Variants in NTRK3 observed in about 807,000 individuals in gnomAD.
NTRK3 encodes the protein neurotrophic receptor tyrosine kinase 3.
NTRK3 carries 24 observed loss-of-function variants against 91.7 expected under a neutral mutation model. That is an observed-to-expected ratio of 0.26 (90% CI 0.19 to 0.37). The LOEUF (loss-of-function observed/expected upper bound fraction) is 0.37. NTRK3 is among the 10% of genes least tolerant of loss of function. The probability of loss-of-function intolerance (pLI) is 1.00; values close to 1 mark genes in which losing one functional copy is unlikely to be tolerated. For missense variants in NTRK3, 880 were observed against 1,068.9 expected (o/e 0.82, Z 2.46); for synonymous variants, 483 against 404.0 (o/e 1.20, Z -2.34).
intron 13 of NTRK3, among the ~76,000 whole-genome samples, chr15:88,109,642 C>CG (rs1262212480): frequency 9.2e-5 from 14 of 151,898 alleles, no homozygotes; most frequent in African/African-American, 2.9e-4. Context: ...GGGGGCTGGG[C>CG]GGGGGGCGTT....
intron 17 of NTRK3, among the ~76,000 whole-genome samples, chr15:87,881,213 A>G (rs1489334998): frequency 6.6e-6 from 1 of 152,250 alleles, no homozygotes; most frequent in Non-Finnish European, 1.5e-5. Flanking sequence ...AGATGTTAGC[A>G]TAAGTGGGAG....
chr15:88,108,535 A>G (rs2150950494), intron 13 of NTRK3, among the ~76,000 whole-genome samples: 1 of 152,322 alleles, frequency 6.6e-6, no homozygotes, highest in African/African-American at 2.4e-5. Context: ...AACTGACAGA[A>G]TCATAGAATG....
chr15:88,125,634 A>G (rs1004846866), intron 13 of NTRK3, among the ~76,000 whole-genome samples: 3 of 152,160 alleles, frequency 2.0e-5, no homozygotes, highest in Non-Finnish European at 4.4e-5. Flanking sequence ...TCACCATGTT[A>G]ACCCCTTTCA....
exon 3 of NTRK3, chr15:88,256,147 C>G: frequency 6.3e-7 from 1 of 1,587,508 alleles, no homozygotes; most frequent in Non-Finnish European, 8.6e-7. Flanking sequence ...CAAAGAGAGA[C>G]ATCCATCTCC....
rs1011228574 is a variant in NTRK3 at position 88,064,623 on chromosome 15, C to A, written c.1397-31578G>T. On this transcript the variant is annotated intron_variant, in intron 13 of 18. Coordinates refer to ENST00000394480, the Ensembl canonical transcript of NTRK3. Reference sequence around the variant, plus strand: ...GGTCTAGGTCTGTCTGGTTTCTATGCCCATAGCTACCACATTGTAACTTCC... The same window carrying A: ...GGTCTAGGTCTGTCTGGTTTCTATGACCATAGCTACCACATTGTAACTTCC... 3.3e-5 allele frequency among the ~76,000 whole-genome samples: 5 copies of A among 152,278 alleles called. No individual in the cohort carries two copies. The East Asian group carries it at 7.7e-4, about 23-fold the overall frequency.
chr15:88,203,525 A>G (rs2048474568), intron 3 of NTRK3, among the ~76,000 whole-genome samples: 1 of 152,228 alleles, frequency 6.6e-6, no homozygotes, highest in Non-Finnish European at 1.5e-5. Flanking sequence ...GAAAGGCACC[A>G]AGAGGTTGAG....
chr15:88,108,126 G>T (rs2050909233), intron 13 of NTRK3, among the ~76,000 whole-genome samples: 1 of 152,274 alleles, frequency 6.6e-6, no homozygotes, highest in South Asian at 2.1e-4. Context: ...TCCAGGTTCT[G>T]AAAGATATGC....
intron 5 of NTRK3, among the ~76,000 whole-genome samples, chr15:88,181,446 G>A (rs919587305): frequency 2.6e-5 from 4 of 152,130 alleles, no homozygotes; most frequent in African/African-American, 9.7e-5. Context: ...AGCCCAAGAT[G>A]TAACCCTGCT....
At chr15:87,986,973 C>A (rs758721603) in intron 14 of NTRK3, among the ~76,000 whole-genome samples, 3 of 152,230 alleles carry the variant, frequency 2.0e-5, no homozygotes, top group Non-Finnish European at 4.4e-5. Flanking sequence ...AGATTTGGCC[C>A]TTGGCCAATG....
In NTRK3 at chr15:88,135,141, G is replaced by C. The variant is rs1420930233; in HGVS notation, c.1164C>G (p.Asn388Lys). Residue 388 changes from asparagine (N) to lysine (K), a missense_variant, in exon 10 of 19, where the codon AAC becomes AAG. Transcript: ENST00000394480. ...TGAGGAAGTGGCCATTGATGGTCTG[G>C]TTGGCTGTGCCCAGTGGGTTTTTGG... is the stretch of plus-strand genomic sequence containing the variant. 1.9e-6 allele frequency: 3 copies of C among 1,614,142 alleles called. No homozygotes were observed. The highest frequency in any genetic ancestry group is 2.5e-6 in the Non-Finnish European group (3 of 1,180,056).
intron 14 of NTRK3, among the ~76,000 whole-genome samples, chr15:88,000,316 G>A (rs1296976720): frequency 6.6e-6 from 1 of 152,170 alleles, no homozygotes; most frequent in Non-Finnish European, 1.5e-5. Context: ...TCTCACAATC[G>A]AACAAGGAGC....
chr15:88,075,379 T>C (rs2047448462), intron 13 of NTRK3, among the ~76,000 whole-genome samples: 1 of 152,224 alleles, frequency 6.6e-6, no homozygotes, highest in Admixed American at 6.5e-5. Flanking sequence ...TAAAAAGTTA[T>C]TATTCAGTCA....
chr15:87,896,273 T>C (rs2064282165), intron 17 of NTRK3, among the ~76,000 whole-genome samples: 1 of 151,982 alleles, frequency 6.6e-6, no homozygotes. Context: ...GACATAGAGA[T>C]CATCCCGGCC....
chr15:88,112,764 G>A (rs2051556838), intron 13 of NTRK3, among the ~76,000 whole-genome samples: 1 of 152,182 alleles, frequency 6.6e-6, no homozygotes, highest in Non-Finnish European at 1.5e-5. Flanking sequence ...AGTGACCTGA[G>A]CTATTTCTAT....
intron 3 of NTRK3, among the ~76,000 whole-genome samples, chr15:88,201,976 A>T (rs912575587): frequency 1.3e-5 from 2 of 151,936 alleles, no homozygotes; most frequent in African/African-American, 4.8e-5. Flanking sequence ...TTTCTTTGTC[A>T]TAGATGGTGC....
chr15:88,098,927 T>C (rs146341436), intron 13 of NTRK3: 146 of 232,508 alleles, frequency 6.3e-4, no homozygotes, highest in African/African-American at 3.0e-3. Context: ...TTTAAAAAAG[T>C]CTTGATTACT....
intron 3 of NTRK3, among the ~76,000 whole-genome samples, chr15:88,247,331 C>T (rs901608662): frequency 1.3e-5 from 2 of 152,214 alleles, no homozygotes; most frequent in African/African-American, 2.4e-5. Context: ...CAGGGCCCTT[C>T]GTTCTGGGCT....
At chr15:88,033,420 C>T (rs1247061293) in intron 13 of NTRK3, among the ~76,000 whole-genome samples, 1 of 151,530 alleles carries the variant, frequency 6.6e-6, no homozygotes, top group Non-Finnish European at 1.5e-5. Context: ...AAGCGATTCT[C>T]ATGCCTCAGC....
intron 13 of NTRK3, among the ~76,000 whole-genome samples, chr15:88,087,220 C>G (rs1005423426): frequency 1.3e-5 from 2 of 152,170 alleles, no homozygotes; most frequent in Admixed American, 6.5e-5. Context: ...AAAGTGAGAA[C>G]AGTACTGCAG....
Sources: allele counts gnomAD v4.1 joint callset (sites outside exome capture counted in the v4.1 genomes callset), GRCh38; gene constraint gnomAD v4.1.1; transcripts MANE v1.5; gene names NCBI Gene and HGNC (gene_info 2026-07-23, HGNC 2026-07-21).